MGAT4C: variants seen among roughly 807,000 people sequenced by gnomAD.
MGAT4C encodes MGAT4 family member C.
Under a neutral mutation model 40.1 loss-of-function variants are expected in MGAT4C, and 19 were observed. The observed-to-expected ratio is 0.47, with a 90% CI of 0.33 to 0.70. The LOEUF is 0.70. Among genes scored for constraint, MGAT4C ranks in the 30% least tolerant of loss-of-function variants. The pLI is 0.02. For synonymous variants in MGAT4C, 181 were observed against 187.1 expected, an observed-to-expected ratio of 0.97 and a Z score of 0.27; for missense variants, 491 against 563.2, an observed-to-expected ratio of 0.87 and a Z score of 1.30.
chr12:86,524,892 T>C (rs181578595), intron 2 of MGAT4C, among the ~76,000 whole-genome samples: 1 of 152,332 alleles, frequency 6.6e-6, no homozygotes, highest in Non-Finnish European at 1.5e-5. Flanking sequence ...GAAACTCTTA[T>C]AGTGTGTTTT....
chr12:86,373,369 T>C (rs2136213216), intron 3 of MGAT4C, among the ~76,000 whole-genome samples: 1 of 152,096 alleles, frequency 6.6e-6, no homozygotes, highest in East Asian at 1.9e-4. Flanking sequence ...ATTGTAAACA[T>C]TTATCATGAT....
intron 3 of MGAT4C, among the ~76,000 whole-genome samples, chr12:86,342,571 C>T: frequency 6.6e-6 from 1 of 152,132 alleles, no homozygotes. Context: ...ACAGGTCCCA[C>T]ATACGCTCCA....
At chr12:86,661,478 T>C (rs1461242837) in intron 2 of MGAT4C, among the ~76,000 whole-genome samples, 1 of 152,036 alleles carries the variant, frequency 6.6e-6, no homozygotes, top group African/African-American at 2.4e-5. Context: ...ACCAAATAAC[T>C]ACAAAATATA....
chr12:86,181,145 T>C (rs1258937144), intron 1 of MGAT4C, among the ~76,000 whole-genome samples: 1 of 152,192 alleles, frequency 6.6e-6, no homozygotes, highest in Non-Finnish European at 1.5e-5. Flanking sequence ...TCTTCCTCAC[T>C]TTTCTCTTGC....
At chr12:86,630,780 G>T (rs931964899) in intron 2 of MGAT4C, among the ~76,000 whole-genome samples, 4 of 151,988 alleles carry the variant, frequency 2.6e-5, no homozygotes, top group African/African-American at 7.2e-5. Context: ...CTTATGACAA[G>T]CCCACAGCCA....
intron 1 of MGAT4C, among the ~76,000 whole-genome samples, chr12:86,069,099 ATG>A: frequency 6.8e-6 from 1 of 148,134 alleles, no homozygotes; most frequent in African/African-American, 2.4e-5. Flanking sequence ...GAAAACAGTC[ATG>A]TGAGTCCTTT....
At chr12:86,177,010 G>A (rs1887523399) in intron 1 of MGAT4C, among the ~76,000 whole-genome samples, 2 of 151,790 alleles carry the variant, frequency 1.3e-5, no homozygotes, top group South Asian at 4.2e-4. Flanking sequence ...AAGCAGGTCA[G>A]TATATCTGAC....
At chr12:86,221,054 T>C (rs1950858903) in intron 1 of MGAT4C, among the ~76,000 whole-genome samples, 1 of 152,192 alleles carries the variant, frequency 6.6e-6, no homozygotes, top group Non-Finnish European at 1.5e-5. Flanking sequence ...GGAATGTGTG[T>C]GCTAGTTAAC....
chr12:86,539,503 T>C (rs1959135827), intron 2 of MGAT4C, among the ~76,000 whole-genome samples: 2 of 152,368 alleles, frequency 1.3e-5, no homozygotes, highest in South Asian at 4.1e-4. Flanking sequence ...TGTGTCTTTA[T>C]AGCAGCATGA....
chr12:86,401,419 C>T (rs1956361343), intron 3 of MGAT4C, among the ~76,000 whole-genome samples: 1 of 151,768 alleles, frequency 6.6e-6, no homozygotes, highest in East Asian at 1.9e-4. Context: ...TTAACAATAA[C>T]AACAACAAAA....
chr12:86,358,036 C>T (rs1481856885), intron 3 of MGAT4C, among the ~76,000 whole-genome samples: 2 of 152,070 alleles, frequency 1.3e-5, no homozygotes, highest in East Asian at 3.9e-4. Flanking sequence ...GTCAGATTCA[C>T]CAAAATTGAA....
chr12:86,686,803 T>G (rs554847631), intron 2 of MGAT4C, among the ~76,000 whole-genome samples: 1 of 152,214 alleles, frequency 6.6e-6, no homozygotes, highest in Non-Finnish European at 1.5e-5. Flanking sequence ...TTTCTCTTTT[T>G]GTTATGTCTC....
intron 2 of MGAT4C, among the ~76,000 whole-genome samples, chr12:86,489,030 T>A (rs1162724831): frequency 6.6e-6 from 1 of 152,152 alleles, no homozygotes; most frequent in East Asian, 1.9e-4. Flanking sequence ...TGGTGCTCTC[T>A]GAATAACATC....
At chr12:86,480,144 A>G (rs529999973) in intron 2 of MGAT4C, among the ~76,000 whole-genome samples, 1 of 151,900 alleles carries the variant, frequency 6.6e-6, no homozygotes, top group South Asian at 2.1e-4. Flanking sequence ...TATTTTCTAT[A>G]AAAGTTTTGG....
At chr12:86,095,933 C>T (rs1166704602) in intron 1 of MGAT4C, among the ~76,000 whole-genome samples, 7 of 151,776 alleles carry the variant, frequency 4.6e-5, no homozygotes, top group Non-Finnish European at 7.4e-5. Context: ...TGATATTTCT[C>T]TAATCCTTTG....
chr12:86,787,125 C>T (rs945182652), intron 1 of MGAT4C, among the ~76,000 whole-genome samples: 4 of 152,056 alleles, frequency 2.6e-5, no homozygotes, highest in African/African-American at 9.7e-5. Context: ...ACATTGCATA[C>T]ATTATGTAAT....
chr12:86,693,728 T>C (rs901098769), intron 2 of MGAT4C, among the ~76,000 whole-genome samples: 3 of 152,184 alleles, frequency 2.0e-5, no homozygotes, highest in Admixed American at 1.3e-4. Context: ...CACATTTAAC[T>C]AAAAATTCTA....
At chr12:86,172,379 A>T (rs1393523510) in intron 1 of MGAT4C, among the ~76,000 whole-genome samples, 1 of 152,220 alleles carries the variant, frequency 6.6e-6, no homozygotes, top group Non-Finnish European at 1.5e-5. Flanking sequence ...ATAATTGTCC[A>T]ATAAAATTTC....
chr12:86,792,326 A>C (rs1952036846), intron 1 of MGAT4C, among the ~76,000 whole-genome samples: 1 of 152,146 alleles, frequency 6.6e-6, no homozygotes, highest in Admixed American at 6.5e-5. Context: ...TATAGAAGAA[A>C]ATGTATCCTT....
Sources: gnomAD v4.1 joint callset for allele counts (sites outside exome capture counted in the v4.1 genomes callset) on GRCh38, gnomAD v4.1.1 for gene constraint, MANE v1.5 for transcripts, NCBI Gene and HGNC (gene_info 2026-07-23, HGNC 2026-07-21) for gene names.